HERC5: variants seen among roughly 807,000 people sequenced by gnomAD.
HERC5 encodes HECT and RLD domain containing E3 ubiquitin protein ligase 5, also known as E3 ISG15--protein ligase HERC5.
In HERC5, 99 loss-of-function variants were observed where a neutral mutation model predicts 119.6. The observed-to-expected ratio is 0.83, with a 90% CI of 0.70 to 0.98. HERC5 has a LOEUF of 0.98. HERC5 is among the 50% of genes least tolerant of loss of function. HERC5 has a pLI of 0.00. For synonymous variants in HERC5, 478 were observed against 445.9 expected (o/e 1.07, Z -0.91); for missense variants, 1,267 against 1,241.3 (o/e 1.02, Z -0.31).
At chr4:88,502,386 G>A (rs1432577774) in intron 20 of HERC5, among the ~76,000 whole-genome samples, 1 of 152,154 alleles carries the variant, frequency 6.6e-6, no homozygotes, top group Non-Finnish European at 1.5e-5. Flanking sequence ...GAGCTGCACA[G>A]GCATCCAAGC....
rs1740178309 is a variant in HERC5, at chr4:88,457,246, G to C, written c.-24G>C. On this transcript the variant is annotated 5_prime_UTR_variant, in exon 1 of 23. Transcript: ENST00000264350. Reference sequence around the variant, plus strand: ...CAGGCGTTCTCTCCTCTCGCCTCTGGGCCTGGGACCCCGCAAAGCGGCGAT... The same window carrying C: ...CAGGCGTTCTCTCCTCTCGCCTCTGCGCCTGGGACCCCGCAAAGCGGCGAT... The C allele has an allele frequency of 3.0e-6, 4 of 1,313,326 alleles. No individual in the cohort carries two copies. In the East Asian group the frequency reaches 1.3e-4, roughly 41 times the overall value. 81.4% of individuals were successfully genotyped at this position (1,313,326 alleles called of 1,614,324 possible).
chr4:88,478,752 A>G (rs1390050514), intron 12 of HERC5, among the ~76,000 whole-genome samples: 2 of 151,910 alleles, frequency 1.3e-5, no homozygotes, highest in African/African-American at 4.8e-5. Flanking sequence ...GCTGGGCCAC[A>G]GACATGTGCC....
intron 1 of HERC5, 50 bp downstream of exon 1, chr4:88,457,584 C>G (rs1320401514): frequency 8.1e-7 from 1 of 1,234,872 alleles, no homozygotes; most frequent in Non-Finnish European, 1.0e-6. Context: ...GGGGTGAGGG[C>G]TGAGGGCTGT....
chr4:88,457,758 C>T, intron 1 of HERC5: 2 of 658,388 alleles, frequency 3.0e-6, no homozygotes, highest in Non-Finnish European at 4.3e-6. Flanking sequence ...AGCGGATCCT[C>T]CGCTCAGCAA....
At chr4:88,498,867 G>T (rs1741872290) in intron 18 of HERC5, among the ~76,000 whole-genome samples, 1 of 152,162 alleles carries the variant, frequency 6.6e-6, no homozygotes, top group African/African-American at 2.4e-5. Flanking sequence ...CACTGTACCT[G>T]GCCTACCATT....
chr4:88,493,266 T>G, intron 17 of HERC5, 111 bp downstream of exon 17: 1 of 888,564 alleles, frequency 1.1e-6, no homozygotes, highest in South Asian at 2.1e-5. Context: ...AGTATTGATA[T>G]AATTATGGAG....
chr4:88,467,676 T>C (rs1740720825), intron 7 of HERC5, among the ~76,000 whole-genome samples: 1 of 152,228 alleles, frequency 6.6e-6, no homozygotes, highest in East Asian at 1.9e-4. Flanking sequence ...GGAGGTGTAT[T>C]CTGTCACTCC....
intron 9 of HERC5, among the ~76,000 whole-genome samples, chr4:88,469,551 GGAGTTGATGTT>G (rs1349370784): frequency 6.6e-6 from 1 of 152,190 alleles, no homozygotes; most frequent in Non-Finnish European, 1.5e-5. Flanking sequence ...GACTTGGGGA[GGAGTTGATGTT>G]GCAGCTCAAG....
intron 1 of HERC5, 61 bp from the exon 2 acceptor site, chr4:88,459,285 GT>G: frequency 1.5e-6 from 2 of 1,317,292 alleles, no homozygotes; most frequent in South Asian, 2.0e-5. Context: ...TTATAATGAA[GT>G]TAGTAATACA....
chr4:88,480,898 C>G (rs1741257096), intron 13 of HERC5, among the ~76,000 whole-genome samples: 1 of 152,152 alleles, frequency 6.6e-6, no homozygotes, highest in South Asian at 2.1e-4. Context: ...ATTTTGGACA[C>G]TACTCTTTTG....
chr4:88,504,350 C>G lies in HERC5; in HGVS notation c.2701C>G (p.His901Asp). 6.2e-7 allele frequency: 1 copy of G among 1,611,544 alleles called. No individual in the cohort carries two copies. The highest frequency in any genetic ancestry group is 8.5e-7 in the Non-Finnish European group (1 of 1,178,288). ...CGACGAAGACATTATCAAATTATTC[C>G]ACCCCGAAGAACTGAAGGATGTGAT... ...MCDEDIIKLF[H>D]PEELKDVIVG... The change falls in exon 21 of 23, where the codon CAC becomes GAC. Residue 901 changes from histidine (H) to aspartate (D), a missense_variant. His to Asp is a moderately conservative substitution (Grantham distance 81). Transcript: ENST00000264350.
chr4:88,468,489 C>A (rs4585264), intron 8 of HERC5, 67 bp downstream of exon 8: 404,779 of 1,058,710 alleles, frequency 0.38, 89,363 homozygotes, highest in East Asian at 0.77. Flanking sequence ...TCTAGTATCC[C>A]AGTTTGGTGA....
intron 20 of HERC5, among the ~76,000 whole-genome samples, chr4:88,502,252 C>T (rs1402238582): frequency 6.6e-6 from 1 of 152,040 alleles, no homozygotes; most frequent in South Asian, 2.1e-4. Flanking sequence ...TGTGGTTGCC[C>T]CTTGCTCCAT....
chr4:88,468,790 C>T (rs1057241240), intron 8 of HERC5, among the ~76,000 whole-genome samples: 1 of 152,186 alleles, frequency 6.6e-6, no homozygotes, highest in African/African-American at 2.4e-5. Flanking sequence ...ATAAAAAGTC[C>T]ATAACTTCCC....
At chr4:88,505,406 G>A (rs1007438334) in intron 22 of HERC5, among the ~76,000 whole-genome samples, 1 of 152,044 alleles carries the variant, frequency 6.6e-6, no homozygotes, top group African/African-American at 2.4e-5. Flanking sequence ...ACACCTCTTC[G>A]GGCTGTCTTA....
intron 8 of HERC5, among the ~76,000 whole-genome samples, chr4:88,468,675 C>A (rs945167174): frequency 1.3e-5 from 2 of 152,150 alleles, no homozygotes; most frequent in South Asian, 4.1e-4. Flanking sequence ...GGGCTACTTG[C>A]CAATGATGTT....
intron 19 of HERC5, 132 bp from the exon 20 acceptor site, chr4:88,500,783 T>G: frequency 1.4e-6 from 1 of 697,882 alleles, no homozygotes; most frequent in Non-Finnish European, 2.4e-6. Flanking sequence ...GTACATTCCT[T>G]GCTAGCTTTT....
At chr4:88,463,654 A>G (rs1181825677) in intron 5 of HERC5, 31 bp downstream of exon 5, 4 of 1,575,390 alleles carry the variant, frequency 2.5e-6, no homozygotes, top group Non-Finnish European at 8.7e-7. Context: ...TTTTGGCTGT[A>G]TTTTTAGAAG....
Position 88,505,988 on chromosome 4 carries a change from C to G in HERC5, c.*110C>G. 1 of 797,064 alleles carries G rather than the reference C, an allele frequency of 1.3e-6. No individual in the cohort carries two copies. Among genetic ancestry groups the G allele is most frequent in the Non-Finnish European group, 2.0e-6 (1 of 499,668 alleles). 49.4% of individuals were successfully genotyped at this position (797,064 alleles called of 1,614,324 possible). A position where few individuals can be genotyped will look rare whatever the true frequency, so the allele number is the denominator to read the frequency against. ...TTTTAGGCTTTTAGCAGCCTGAAGC[C>G]ATGGTTTTTCATTTCTGTCTCTAGT... On this transcript the variant is annotated 3_prime_UTR_variant, in exon 23 of 23. Transcript: ENST00000264350.
Sources: allele counts gnomAD v4.1 joint callset (sites outside exome capture counted in the v4.1 genomes callset), GRCh38; gene constraint gnomAD v4.1.1; transcripts MANE v1.5; gene names NCBI Gene and HGNC (gene_info 2026-07-23, HGNC 2026-07-21).